Variants in CSMD1 observed in about 807,000 individuals in gnomAD.
CSMD1 encodes CUB and sushi domain-containing protein 1.
CSMD1 carries 213 observed loss-of-function variants against 417.5 expected under a neutral mutation model. The ratio of observed to expected loss-of-function variants is 0.51; its 90% CI spans 0.46 to 0.57. The LOEUF is 0.57. Among genes scored for constraint, CSMD1 ranks in the 20% least tolerant of loss-of-function variants. The probability of loss-of-function intolerance (pLI) is 0.00; values close to 1 mark genes in which losing one functional copy is unlikely to be tolerated. For missense variants in CSMD1, 6,923 were observed against 4,529.7 expected, an observed-to-expected ratio of 1.53 and a Z score of -15.17; for synonymous variants, 2,862 against 1,736.8, an observed-to-expected ratio of 1.65 and a Z score of -16.11.
At chr8:4,687,370 G>A (rs545407667) in intron 1 of CSMD1, among the ~76,000 whole-genome samples, 2 of 152,290 alleles carry the variant, frequency 1.3e-5, no homozygotes, top group East Asian at 1.9e-4. Flanking sequence ...ATTAAGTAAC[G>A]TGATATAGCT....
intron 5 of CSMD1, among the ~76,000 whole-genome samples, chr8:3,789,269 C>A (rs1364496162): frequency 6.6e-6 from 1 of 152,080 alleles, no homozygotes; most frequent in African/African-American, 2.4e-5. Flanking sequence ...TTCCCAGCCT[C>A]CTGAACTGTT....
At chr8:3,547,897 C>T (rs189409671) in intron 10 of CSMD1, among the ~76,000 whole-genome samples, 1 of 152,166 alleles carries the variant, frequency 6.6e-6, no homozygotes, top group East Asian at 1.9e-4. Context: ...AGAAGTACTC[C>T]TAAAATTACT....
intron 1 of CSMD1, among the ~76,000 whole-genome samples, chr8:4,789,793 G>C (rs1673459482): frequency 6.6e-6 from 1 of 152,198 alleles, no homozygotes; most frequent in Admixed American, 6.5e-5. Flanking sequence ...ATTTAGGGAA[G>C]AGATGCCATT....
chr8:4,225,662 A>G (rs1347738662), intron 3 of CSMD1, among the ~76,000 whole-genome samples: 3 of 152,158 alleles, frequency 2.0e-5, no homozygotes, highest in African/African-American at 4.8e-5. Flanking sequence ...TAAAAGCAGG[A>G]AAGTGGTGAT....
At chr8:3,669,543 T>A (rs898788932) in intron 7 of CSMD1, among the ~76,000 whole-genome samples, 3 of 152,176 alleles carry the variant, frequency 2.0e-5, no homozygotes, top group African/African-American at 4.8e-5. Context: ...TGGAGAAACC[T>A]CAGGTTTTCA....
At position 4,713,520 on chromosome 8, in the gene CSMD1, G is replaced by C. The variant is rs559975102; in HGVS notation, c.86-75962C>G. 5.3e-5 allele frequency among the ~76,000 whole-genome samples: 8 copies of C among 152,228 alleles called. No individual in the cohort carries two copies. In the South Asian group the frequency reaches 1.0e-3, roughly 20 times the overall value. ...GGGTTCCAGTGATTTTCCTGCCTCA[G>C]CCTCCCGGGTAGCTGGGACTACAGG... On this transcript the variant is annotated intron_variant, in intron 1 of 69. Coordinates refer to ENST00000635120, the MANE Select transcript of CSMD1 (RefSeq NM_033225.6).
chr8:3,868,614 C>G (rs540036124), intron 5 of CSMD1, among the ~76,000 whole-genome samples: 1 of 152,152 alleles, frequency 6.6e-6, no homozygotes, highest in South Asian at 2.1e-4. Context: ...GGACCCGAAC[C>G]TCACATGCAT....
intron 1 of CSMD1, among the ~76,000 whole-genome samples, chr8:4,637,891 C>A (rs543365190): frequency 6.6e-6 from 1 of 151,352 alleles, no homozygotes; most frequent in Non-Finnish European, 1.5e-5. Flanking sequence ...AGGATGGTCT[C>A]GATCTCCTGA....
chr8:4,239,135 T>C (rs1802239389), intron 3 of CSMD1, among the ~76,000 whole-genome samples: 1 of 152,194 alleles, frequency 6.6e-6, no homozygotes, highest in South Asian at 2.1e-4. Flanking sequence ...AACAATTTAC[T>C]CCCCAATTAA....
chr8:3,126,285 G>C (rs1370917170), intron 41 of CSMD1, among the ~76,000 whole-genome samples: 1 of 152,228 alleles, frequency 6.6e-6, no homozygotes, highest in Non-Finnish European at 1.5e-5. Context: ...TTGATGGAAA[G>C]AATTGTCTAG....
chr8:4,099,518 T>C (rs1382893914), intron 3 of CSMD1, among the ~76,000 whole-genome samples: 2 of 152,058 alleles, frequency 1.3e-5, no homozygotes, highest in African/African-American at 4.8e-5. Flanking sequence ...CTACGGATTG[T>C]GCCATTATGA....
chr8:4,773,393 C>T (rs1158180438), intron 1 of CSMD1, among the ~76,000 whole-genome samples: 1 of 152,138 alleles, frequency 6.6e-6, no homozygotes, highest in Non-Finnish European at 1.5e-5. Flanking sequence ...ATCCCAATAG[C>T]TCCTTGTTTC....
chr8:3,439,808 T>C (rs1390429273), intron 12 of CSMD1, among the ~76,000 whole-genome samples: 1 of 152,184 alleles, frequency 6.6e-6, no homozygotes, highest in African/African-American at 2.4e-5. Context: ...TTAAGTCTAT[T>C]ATCCATTTTG....
chr8:4,246,391 G>C (rs1159433066), intron 3 of CSMD1, among the ~76,000 whole-genome samples: 1 of 152,158 alleles, frequency 6.6e-6, no homozygotes, highest in African/African-American at 2.4e-5. Flanking sequence ...ATATTCTGCA[G>C]CTGCTGTTGT....
At chr8:3,826,795 A>C (rs868635376) in intron 5 of CSMD1, among the ~76,000 whole-genome samples, 11 of 151,832 alleles carry the variant, frequency 7.2e-5, no homozygotes, top group African/African-American at 2.2e-4. Context: ...TTTAATTTTA[A>C]TATTTTTTTG....
At chr8:3,984,681 G>C (rs1438120802) in intron 5 of CSMD1, among the ~76,000 whole-genome samples, 2 of 124,018 alleles carry the variant, frequency 1.6e-5, no homozygotes, top group Admixed American at 1.9e-4. Flanking sequence ...ATGATTTATG[G>C]GTTCAGGATT....
chr8:3,908,249 T>G (rs146472356), intron 5 of CSMD1, among the ~76,000 whole-genome samples: 1 of 86,364 alleles, frequency 1.2e-5, no homozygotes, highest in East Asian at 3.3e-4. Flanking sequence ...TTAGGAGATA[T>G]GAGAAAGCTG....
intron 64 of CSMD1, among the ~76,000 whole-genome samples, chr8:2,954,749 C>A (rs865303): frequency 0.78 from 119,214 of 152,196 alleles, 46,900 homozygotes; most frequent in African/African-American, 0.8. Context: ...GTTAGATTTA[C>A]GTCATAATTT....
At chr8:4,063,658 A>T (rs564904121) in intron 3 of CSMD1, among the ~76,000 whole-genome samples, 5 of 152,302 alleles carry the variant, frequency 3.3e-5, no homozygotes, top group African/African-American at 1.2e-4. Flanking sequence ...TGCCTCCCTG[A>T]GGGGCATTCT....
Sources: gnomAD v4.1 joint callset for allele counts (sites outside exome capture counted in the v4.1 genomes callset) on GRCh38, gnomAD v4.1.1 for gene constraint, MANE v1.5 for transcripts, NCBI Gene and HGNC (gene_info 2026-07-23, HGNC 2026-07-21) for gene names.